The following AP1G1 variants were observed in gnomAD, a reference collection of about 807,000 sequenced individuals.
AP1G1 encodes AP-1 complex subunit gamma-1.
A neutral mutation model predicts 108.3 loss-of-function variants in AP1G1; 7 were observed. The ratio of observed to expected loss-of-function variants is 0.06; its 90% CI spans 0.04 to 0.12. AP1G1 has a LOEUF of 0.12. Among genes scored for constraint, AP1G1 ranks in the 10% least tolerant of loss-of-function variants. The pLI, the probability that AP1G1 is intolerant of heterozygous loss-of-function variation, is 1.00. For synonymous variants in AP1G1, 379 were observed against 353.5 expected, an observed-to-expected ratio of 1.07 and a Z score of -0.81; for missense variants, 756 against 1,010.7, an observed-to-expected ratio of 0.75 and a Z score of 3.42.
intron 2 of AP1G1, among the ~76,000 whole-genome samples, chr16:71,776,971 T>C (rs1445570144): frequency 6.6e-6 from 1 of 151,188 alleles, no homozygotes; most frequent in Admixed American, 6.6e-5. Flanking sequence ...TAGCCAGGTG[T>C]GGTGGTGGGC....
chr16:71,749,164 G>A (rs1470375490), intron 15 of AP1G1, among the ~76,000 whole-genome samples: 12 of 151,912 alleles, frequency 7.9e-5, no homozygotes, highest in Admixed American at 2.6e-4. Flanking sequence ...TGATCCACCC[G>A]CCTTGGCCTC....
intron 4 of AP1G1, among the ~76,000 whole-genome samples, chr16:71,771,925 C>T (rs1164187750): frequency 6.6e-6 from 1 of 152,080 alleles, no homozygotes; most frequent in Non-Finnish European, 1.5e-5. Context: ...AATACTTAGT[C>T]TCTACTAAAG....
At chr16:71,780,369 G>A (rs759949589) in intron 2 of AP1G1, among the ~76,000 whole-genome samples, 46 of 151,914 alleles carry the variant, frequency 3.0e-4, no homozygotes, top group Non-Finnish European at 4.1e-4. Flanking sequence ...GCATGCACCT[G>A]TAGTCTCAAC....
intron 1 of AP1G1, among the ~76,000 whole-genome samples, chr16:71,801,927 AAAAAAAAAAAAAAG>A (rs2032816162): frequency 6.6e-6 from 1 of 151,256 alleles, no homozygotes; most frequent in Non-Finnish European, 1.5e-5. Context: ...GTAACCAAAA[AAAAAAAAAAAAAAG>A]AAAAGAAAAA....
chr16:71,766,711 A>C (rs1177543345), intron 6 of AP1G1, among the ~76,000 whole-genome samples: 2 of 152,208 alleles, frequency 1.3e-5, no homozygotes, highest in Non-Finnish European at 2.9e-5. Context: ...TCAAGATTGA[A>C]ATGAAAAGCC....
At chr16:71,789,998 A>G (rs536976190) in intron 1 of AP1G1, among the ~76,000 whole-genome samples, 6 of 152,322 alleles carry the variant, frequency 3.9e-5, no homozygotes, top group African/African-American at 1.4e-4. Flanking sequence ...ACAAACTGTA[A>G]CCATCCCAGT....
At position 71,780,612 on chromosome 16, in the gene AP1G1, T is replaced by C. The variant is rs143619807; in HGVS notation, c.202-6020A>G. ...GCCTGCAACTGATTGGGTAGACCTT[T>C]TTAAAAGTCACCTTTATTTATTTTA... On this transcript the variant is annotated intron_variant, in intron 2 of 22. Coordinates refer to ENST00000299980, the MANE Select transcript of AP1G1 (RefSeq NM_001128.6). 2.0e-3 allele frequency among the ~76,000 whole-genome samples: 299 copies of C among 152,256 alleles called. 1 individual carries two copies. The highest frequency in any genetic ancestry group is 2.5e-3 in the Admixed American group (38 of 15,282).
In AP1G1 at chr16:71,761,604, T is replaced by C. The variant is rs200037844; in HGVS notation, c.919-37A>G. 6.0e-6 allele frequency: 9 copies of C among 1,494,060 alleles called. 1 individual carries two copies. In the Admixed American group the frequency reaches 6.9e-5, roughly 11 times the overall value. The allele number at this position is 1,494,060 out of a possible 1,614,324, so 92.6% of individuals were successfully genotyped here. On this transcript the variant is annotated intron_variant, in intron 9 of 22. Coordinates refer to ENST00000299980, the MANE Select transcript of AP1G1 (RefSeq NM_001128.6). ...CAGCATAGGTCGAAATTTAGGAAAA[T>C]GGAAGTTTTATATTGTTTCCTGAGT... is the stretch of plus-strand genomic sequence containing the variant.
chr16:71,798,927 A>C (rs560570575), intron 1 of AP1G1, among the ~76,000 whole-genome samples: 2 of 152,150 alleles, frequency 1.3e-5, no homozygotes, highest in East Asian at 3.9e-4. Context: ...GACAAGAAAA[A>C]TACACGTGCC....
At chr16:71,761,631 T>G in intron 9 of AP1G1, 64 bp from the exon 10 acceptor site, 1 of 1,263,794 alleles carries the variant, frequency 7.9e-7, no homozygotes, top group Non-Finnish European at 1.1e-6. Context: ...TTCCTGAGTT[T>G]AAAGGATCAC....
At chr16:71,760,108 C>T (rs1877395579) in intron 10 of AP1G1, among the ~76,000 whole-genome samples, 1 of 151,910 alleles carries the variant, frequency 6.6e-6, no homozygotes, top group African/African-American at 2.4e-5. Context: ...TGGGCTCAAG[C>T]GTTCCTCCCA....
chr16:71,779,991 T>G (rs1486858842), intron 2 of AP1G1, among the ~76,000 whole-genome samples: 4 of 147,904 alleles, frequency 2.7e-5, no homozygotes, highest in Non-Finnish European at 4.5e-5. Context: ...TTCAGTTTTT[T>G]TTTGTTTTTT....
chr16:71,773,344 C>T lies in AP1G1; in HGVS notation c.345G>A (p.Thr115=), dbSNP rs764608127. Residue 115 remains threonine (T), a synonymous_variant, in exon 4 of 23, where the codon ACG becomes ACA. Transcript: ENST00000299980. ...AAAGTGCTAACCCCTGTACGAATTGCGTGCTATGATTAAGATCACTGCAAA... is the reference window on the plus strand; with the variant it reads ...AAAGTGCTAACCCCTGTACGAATTGTGTGCTATGATTAAGATCACTGCAAA... ...NCIKNDLNHS[T]QFVQGLALCT... The T allele has an allele frequency of 1.9e-6, 3 of 1,544,848 alleles. No homozygotes were observed. The highest frequency in any genetic ancestry group is 2.3e-5 in the East Asian group (1 of 43,510).
At chr16:71,796,837 T>C (rs532138780) in intron 1 of AP1G1, among the ~76,000 whole-genome samples, 58 of 152,190 alleles carry the variant, frequency 3.8e-4, no homozygotes, top group Non-Finnish European at 7.5e-4. Flanking sequence ...TGTCTATAAA[T>C]GCAAACATGC....
intron 1 of AP1G1, among the ~76,000 whole-genome samples, chr16:71,791,762 A>AC (rs2032408967): frequency 9.2e-6 from 1 of 109,160 alleles, no homozygotes; most frequent in Non-Finnish European, 1.8e-5. Flanking sequence ...CTAAACTCTG[A>AC]CTTTTTTTTT....
chr16:71,757,787 C>T (rs1006077404), intron 11 of AP1G1, among the ~76,000 whole-genome samples: 3 of 152,094 alleles, frequency 2.0e-5, no homozygotes, highest in Non-Finnish European at 4.4e-5. Context: ...AAATTCACAG[C>T]CCAGTAATGA....
At chr16:71,800,669 T>C (rs1424935646) in intron 1 of AP1G1, among the ~76,000 whole-genome samples, 1 of 151,414 alleles carries the variant, frequency 6.6e-6, no homozygotes, top group Non-Finnish European at 1.5e-5. Context: ...GGCGTGGTGG[T>C]GGGTGCCTGT....
In AP1G1 at chr16:71,748,531, A is replaced by G. The variant is rs546406262; in HGVS notation, c.1498-153T>C. On this transcript the variant is annotated intron_variant, in intron 15 of 22. Transcript: ENST00000299980. ...CTGTGCTTTGCCAGGGTAACTGTCC[A>G]AGCTGTTCTATCAACCAGAGTAGTT... is the stretch of plus-strand genomic sequence containing the variant. Among the ~76,000 whole-genome samples, 184 of 152,276 alleles carry G rather than the reference A, an allele frequency of 1.2e-3. 1 individual carries two copies. The highest frequency in any genetic ancestry group is 2.1e-3 in the Non-Finnish European group (145 of 68,016).
chr16:71,755,539 T>C (rs1358010968), intron 12 of AP1G1, among the ~76,000 whole-genome samples: 1 of 152,246 alleles, frequency 6.6e-6, no homozygotes, highest in Non-Finnish European at 1.5e-5. Context: ...GGTCTCAGCA[T>C]ATTTAAATGC....
Sources: gnomAD v4.1 joint callset for allele counts (sites outside exome capture counted in the v4.1 genomes callset) on GRCh38, gnomAD v4.1.1 for gene constraint, MANE v1.5 for transcripts, NCBI Gene and HGNC (gene_info 2026-07-23, HGNC 2026-07-21) for gene names.